Variants in ATPAF1 observed in about 807,000 individuals in gnomAD.
ATPAF1 encodes the protein homolog of yeast ATP11.
A neutral mutation model predicts 43.9 loss-of-function variants in ATPAF1; 26 were observed. The observed-to-expected ratio is 0.59, with a 90% CI of 0.43 to 0.82. The LOEUF (loss-of-function observed/expected upper bound fraction) is 0.82. Among genes scored for constraint, ATPAF1 ranks in the 40% least tolerant of loss-of-function variants. The pLI is 0.00. For synonymous variants in ATPAF1, 157 were observed against 168.0 expected (o/e 0.93, Z 0.50); for missense variants, 366 against 435.0 (o/e 0.84, Z 1.41).
At chr1:46,634,531 C>T (rs1319107029), downstream of ATPAF1, 1 of 152,518 alleles carries the variant, frequency 6.6e-6, no homozygotes, top group Non-Finnish European at 1.5e-5. Context: ...AGCAGAATCA[C>T]TTGAACCAGG....
At position 46,636,045 on chromosome 1, in the gene ATPAF1, T is replaced by C. The variant is rs754077160; in HGVS notation, c.793-75A>G. 3 of 1,538,006 alleles carry C rather than the reference T, an allele frequency of 2.0e-6. No individual in the cohort carries two copies. In the East Asian group the frequency reaches 6.7e-5, roughly 35 times the overall value. On this transcript the variant is annotated intron_variant, in intron 8 of 8. Coordinates refer to ENST00000574428, the Ensembl canonical transcript of ATPAF1. ...GCTCTTGTCTGAATTGTGTGGTGGG[T>C]GGGGGCCCTCGCCCAGGAGTCACCA...
At chr1:46,659,968 TTTC>T (rs957270002) in intron 2 of ATPAF1, among the ~76,000 whole-genome samples, 45 of 146,196 alleles carry the variant, frequency 3.1e-4, no homozygotes, top group African/African-American at 1.1e-3. Flanking sequence ...TTAATTTCAT[TTTC>T]TTTCTTTCTT....
intron 2 of ATPAF1, 57 bp downstream of exon 2, chr1:46,665,199 G>A: frequency 1.9e-6 from 3 of 1,547,686 alleles, no homozygotes; most frequent in Non-Finnish European, 2.7e-6. Context: ...AAGGGTGAGG[G>A]TAAGGAGGGT....
At chr1:46,665,472 G>C in intron 1 of ATPAF1, 108 bp from the exon 2 acceptor site, 1 of 1,330,180 alleles carries the variant, frequency 7.5e-7, no homozygotes, top group Non-Finnish European at 1.0e-6. Context: ...CATTCAGAGA[G>C]GTTGAAAAAT....
Position 46,668,106 on chromosome 1 carries a change from C to T in ATPAF1, c.217G>A (p.Ala73Thr). ...CGGTAGCGGTCGTAGAAAGGGTTGG[C>T]CTGGAGCTCGGCCTCGGCCCCGACC... Residue 73 changes from alanine to threonine, a missense_variant, in exon 1 of 9, where the codon GCC (alanine) becomes ACC (threonine). By Grantham distance (58) the Ala-to-Thr change is moderately conservative (BLOSUM62 0). Coordinates refer to ENST00000574428, the Ensembl canonical transcript of ATPAF1. The surrounding 1 kb of genome is among the most constrained non-coding windows in gnomAD (Gnocchi z 4.4). The T allele has an allele frequency of 6.9e-7, 1 of 1,449,514 alleles. No homozygotes were observed. Among genetic ancestry groups the T allele is most frequent in the Non-Finnish European group, 9.1e-7 (1 of 1,098,926 alleles). 89.8% of individuals were successfully genotyped at this position (1,449,514 alleles called of 1,614,324 possible).
At chr1:46,633,451 A>G (rs1036493819), downstream of ATPAF1, 2 of 226,626 alleles carry the variant, frequency 8.8e-6, no homozygotes. Context: ...AGTTTAAGCA[A>G]TTTGTTCAAC....
intron 4 of ATPAF1, among the ~76,000 whole-genome samples, chr1:46,654,875 C>CT (rs1175174970): frequency 6.6e-6 from 1 of 152,032 alleles, no homozygotes; most frequent in African/African-American, 2.4e-5. Flanking sequence ...TGAACTCATG[C>CT]TTTTTTATGG....
chr1:46,649,407 A>C (rs1676122241), intron 6 of ATPAF1, among the ~76,000 whole-genome samples: 1 of 152,220 alleles, frequency 6.6e-6, no homozygotes, highest in Admixed American at 6.5e-5. Context: ...TCTTTGTGCC[A>C]ATACCATACT....
At chr1:46,635,008 G>A (rs1675810537), downstream of ATPAF1, 1 of 152,492 alleles carries the variant, frequency 6.6e-6, no homozygotes, top group South Asian at 2.1e-4. Flanking sequence ...CATGTTTAGA[G>A]TTGTTTTTAA....
At chr1:46,660,844 T>G (rs1227089588) in intron 2 of ATPAF1, among the ~76,000 whole-genome samples, 2 of 151,852 alleles carry the variant, frequency 1.3e-5, no homozygotes, top group Non-Finnish European at 2.9e-5. Flanking sequence ...TTCTACATAA[T>G]AAAAAAAATT....
Position 46,658,203 on chromosome 1 carries a change from A to G in ATPAF1, c.427-14T>C. ...TGAACTGAGAGTCTTGAAAGAGACAATAAAAAGCAATTAACACATAATTAA... is the reference window on the plus strand; with the variant it reads ...TGAACTGAGAGTCTTGAAAGAGACAGTAAAAAGCAATTAACACATAATTAA... On this transcript the variant is annotated splice_polypyrimidine_tract_variant and intron_variant, in intron 3 of 8. Transcript: ENST00000574428. 6.3e-7 allele frequency: 1 copy of G among 1,575,274 alleles called. No homozygotes were observed. The highest frequency in any genetic ancestry group is 1.2e-5 in the South Asian group (1 of 85,864).
intron 6 of ATPAF1, 38 bp from the exon 7 acceptor site, chr1:46,645,294 A>G: frequency 6.7e-7 from 1 of 1,485,132 alleles, no homozygotes; most frequent in South Asian, 1.1e-5. Flanking sequence ...AGATGAATAA[A>G]TGAAATTATT....
intron 7 of ATPAF1, among the ~76,000 whole-genome samples, chr1:46,644,484 A>C (rs1676003632): frequency 6.6e-6 from 1 of 152,224 alleles, no homozygotes; most frequent in African/African-American, 2.4e-5. Flanking sequence ...GACATATTAC[A>C]AAATAGCAAA....
chr1:46,649,316 C>T (rs1042961963), intron 6 of ATPAF1, among the ~76,000 whole-genome samples: 1 of 152,096 alleles, frequency 6.6e-6, no homozygotes, highest in Non-Finnish European at 1.5e-5. Flanking sequence ...AATTTATAGA[C>T]ACCTTTGTTG....
intron 7 of ATPAF1, 133 bp downstream of exon 7, chr1:46,645,028 A>T: frequency 1.4e-6 from 1 of 740,452 alleles, no homozygotes; most frequent in Non-Finnish European, 2.2e-6. Flanking sequence ...AAAAAGTATG[A>T]CAATTCATCT....
intron 6 of ATPAF1, among the ~76,000 whole-genome samples, chr1:46,650,811 A>G (rs1280059743): frequency 7.4e-6 from 1 of 135,318 alleles, no homozygotes; most frequent in Non-Finnish European, 1.6e-5. Flanking sequence ...GTTGGAAGCT[A>G]AAAAAAAAAA....
chr1:46,664,365 T>C (rs755747109), intron 2 of ATPAF1, among the ~76,000 whole-genome samples: 1 of 152,220 alleles, frequency 6.6e-6, no homozygotes, highest in African/African-American at 2.4e-5. Flanking sequence ...AACTGAGGCA[T>C]GGAGAAGTAA....
chr1:46,647,236 C>CATATTG (rs781737956), intron 6 of ATPAF1, among the ~76,000 whole-genome samples: 6 of 152,162 alleles, frequency 3.9e-5, no homozygotes, highest in Non-Finnish European at 8.8e-5. Context: ...AGATATAAGA[C>CATATTG]ATATTGGGTC....
intron 8 of ATPAF1, among the ~76,000 whole-genome samples, chr1:46,640,979 AC>A (rs1356093368): frequency 6.6e-6 from 1 of 151,950 alleles, no homozygotes; most frequent in Non-Finnish European, 1.5e-5. Context: ...GTAAAGATCA[AC>A]CCCTCATTAC....
Sources: allele counts gnomAD v4.1 joint callset (sites outside exome capture counted in the v4.1 genomes callset), GRCh38; gene constraint gnomAD v4.1.1; non-coding constraint Gnocchi (gnomAD v3.1); transcripts MANE v1.5; gene names NCBI Gene and HGNC (gene_info 2026-07-23, HGNC 2026-07-21).